ECHDC1: variants seen among roughly 807,000 people sequenced by gnomAD.
The protein encoded by ECHDC1 is ethylmalonyl-CoA decarboxylase.
In ECHDC1, 29 loss-of-function variants were observed where a neutral mutation model predicts 29.7. That is an observed-to-expected ratio of 0.98 (90% CI 0.73 to 1.33). The LOEUF is 1.33. ECHDC1 is among the 40% of genes most tolerant of loss of function. ECHDC1 has a pLI of 0.00. For synonymous variants in ECHDC1, 126 were observed against 123.1 expected (o/e 1.02, Z -0.15); for missense variants, 328 against 350.0 (o/e 0.94, Z 0.50).
chr6:127,305,568 C>G (rs916103809), intron 5 of ECHDC1, among the ~76,000 whole-genome samples: 2 of 151,998 alleles, frequency 1.3e-5, no homozygotes, highest in Non-Finnish European at 2.9e-5. Context: ...AGTAGAAAGA[C>G]CAAATGATGA....
chr6:127,328,610 T>C (rs966057567), intron 2 of ECHDC1, among the ~76,000 whole-genome samples: 3 of 152,216 alleles, frequency 2.0e-5, no homozygotes, highest in Non-Finnish European at 4.4e-5. Flanking sequence ...CCTTTAGAAA[T>C]ATCGTTCTTT....
chr6:127,308,725 G>A (rs1347315799), intron 5 of ECHDC1, among the ~76,000 whole-genome samples: 1 of 152,098 alleles, frequency 6.6e-6, no homozygotes, highest in African/African-American at 2.4e-5. Flanking sequence ...ATCCTTGTTT[G>A]TAGATTATAC....
chr6:127,339,774 CAA>C (rs10588955), intron 1 of ECHDC1, among the ~76,000 whole-genome samples: 95,842 of 130,176 alleles, frequency 0.74, 33,277 homozygotes, highest in East Asian at 0.79. Flanking sequence ...GACTCTGTCT[CAA>C]AAAAAAAAAA....
rs538838637 is a variant in ECHDC1 at position 127,325,689 on chromosome 6, C to A, written c.363+1313G>T. ...AGCCCCTGATAATCACCATTCCAGTCCTGGCTTCTCTGAGTTTCACTATTT... is the reference window on the plus strand; with the variant it reads ...AGCCCCTGATAATCACCATTCCAGTACTGGCTTCTCTGAGTTTCACTATTT... On this transcript the variant is annotated intron_variant, in intron 3 of 5. Transcript: ENST00000454859. Among the ~76,000 whole-genome samples, 13 of 132,252 alleles carry A rather than the reference C, an allele frequency of 9.8e-5. No homozygotes were observed. In the East Asian group the frequency reaches 3.0e-3, roughly 31 times the overall value. 86.8% of individuals were successfully genotyped at this position (132,252 alleles called of 152,430 possible).
intron 3 of ECHDC1, 158 bp downstream of exon 3, chr6:127,326,844 C>T (rs890369869): frequency 4.4e-6 from 3 of 687,382 alleles, no homozygotes; most frequent in Admixed American, 6.3e-5. Context: ...TTATATTGTT[C>T]CTCCTATAAT....
intron 1 of ECHDC1, among the ~76,000 whole-genome samples, chr6:127,333,061 G>A (rs969446906): frequency 2.0e-5 from 3 of 152,186 alleles, no homozygotes; most frequent in Non-Finnish European, 2.9e-5. Context: ...CCAAAGTGCT[G>A]GGATTACAGG....
chr6:127,325,507 A>G (rs1783245485), intron 3 of ECHDC1, among the ~76,000 whole-genome samples: 1 of 152,138 alleles, frequency 6.6e-6, no homozygotes. Flanking sequence ...GTTTGTAGAT[A>G]AGTATACACC....
intron 5 of ECHDC1, among the ~76,000 whole-genome samples, chr6:127,300,828 C>G (rs1780998581): frequency 6.6e-6 from 1 of 152,216 alleles, no homozygotes; most frequent in Non-Finnish European, 1.5e-5. Context: ...AGCTAGACTT[C>G]AGACCTATAC....
At chr6:127,335,668 A>G (rs1402990453) in intron 1 of ECHDC1, among the ~76,000 whole-genome samples, 2 of 152,098 alleles carry the variant, frequency 1.3e-5, no homozygotes, top group Non-Finnish European at 2.9e-5. Flanking sequence ...TGGTTACCGA[A>G]TAAAGAATAA....
At chr6:127,320,057 T>A (rs2749241) in intron 3 of ECHDC1, among the ~76,000 whole-genome samples, 148,918 of 152,234 alleles carry the variant, frequency 0.98, 72,854 homozygotes, top group East Asian at 1. Context: ...TTGCTCTGTC[T>A]CCCAGGCTGA....
At chr6:127,331,961 A>G (rs1435467588) in intron 1 of ECHDC1, 5 of 760,520 alleles carry the variant, frequency 6.6e-6, no homozygotes, top group Non-Finnish European at 8.0e-6. Context: ...TTACCTCCTG[A>G]GTAATCTCAT....
chr6:127,309,516 CACACACACACACACACACACAG>C (rs1341116143), intron 5 of ECHDC1, among the ~76,000 whole-genome samples: 22 of 55,400 alleles, frequency 4.0e-4, no homozygotes, highest in African/African-American at 1.0e-3. Flanking sequence ...CACACACACA[CACACACACACACACACACACAG>C]GAAAAAATAG....
chr6:127,315,322 T>C (rs1490918605), intron 4 of ECHDC1: 6 of 344,884 alleles, frequency 1.7e-5, no homozygotes, highest in Non-Finnish European at 2.8e-5. Flanking sequence ...ATCAAGGCTA[T>C]TTCCAAAGGT....
intron 5 of ECHDC1, among the ~76,000 whole-genome samples, chr6:127,307,235 CTAA>C (rs1189689346): frequency 6.6e-6 from 1 of 152,038 alleles, no homozygotes; most frequent in African/African-American, 2.4e-5. Flanking sequence ...TTCAAATAAC[CTAA>C]TAATGCATCT....
rs574445737 is a variant in ECHDC1 at position 127,339,855 on chromosome 6, G to A, written c.-3+3481C>T. Among the ~76,000 whole-genome samples the A allele has an allele frequency of 4.6e-5, 7 of 152,124 alleles. 1 individual carries two copies. In the South Asian group the frequency reaches 1.5e-3, roughly 32 times the overall value. On this transcript the variant is annotated intron_variant, in intron 1 of 5. Transcript: ENST00000454859. Reference sequence around the variant, plus strand: ...GTTTTTAAAAAATGCAAACCCAGGGGGTGTGGCTACAAGTGAGGGTATCAT... The same window carrying A: ...GTTTTTAAAAAATGCAAACCCAGGGAGTGTGGCTACAAGTGAGGGTATCAT...
chr6:127,302,179 T>C, intron 5 of ECHDC1, among the ~76,000 whole-genome samples: 1 of 152,214 alleles, frequency 6.6e-6, no homozygotes, highest in South Asian at 2.1e-4. Context: ...TTATTTTTCC[T>C]GCTATTGTGC....
chr6:127,305,908 C>A (rs1296039230), intron 5 of ECHDC1, among the ~76,000 whole-genome samples: 8 of 150,072 alleles, frequency 5.3e-5, no homozygotes, highest in Non-Finnish European at 1.0e-4. Context: ...CAAAACAACC[C>A]AAAAAACAAA....
In ECHDC1 at chr6:127,343,339, C is replaced by A. The variant is rs1013101639; in HGVS notation, c.-6G>T. The A allele has an allele frequency of 2.6e-5, 4 of 152,468 alleles. No homozygotes were observed. The highest frequency in any genetic ancestry group is 9.6e-5 in the African/African-American group (4 of 41,468). 9.4% of individuals were successfully genotyped at this position (152,468 alleles called of 1,614,324 possible). On this transcript the variant is annotated 5_prime_UTR_variant, in exon 1 of 6. Coordinates refer to ENST00000454859, the MANE Select transcript of ECHDC1 (RefSeq NM_001002030.2). ...ACCAACCCTTACGACCACTTACCGT[C>A]GCAGGCCACGGTGGTGACTTCCTTT...
chr6:127,326,052 T>TATG (rs1438916208), intron 3 of ECHDC1, among the ~76,000 whole-genome samples: 2 of 152,014 alleles, frequency 1.3e-5, no homozygotes, highest in Non-Finnish European at 2.9e-5. Context: ...TACAGTAGAG[T>TATG]TTCATTAATA....
Sources: allele counts gnomAD v4.1 joint callset (sites outside exome capture counted in the v4.1 genomes callset), GRCh38; gene constraint gnomAD v4.1.1; transcripts MANE v1.5; gene names NCBI Gene and HGNC (gene_info 2026-07-23, HGNC 2026-07-21).